The following CEP135 variants were observed in gnomAD, a reference collection of about 807,000 sequenced individuals.
The protein encoded by CEP135 is centrosomal protein 135.
Under a neutral mutation model 157.3 loss-of-function variants are expected in CEP135, and 142 were observed. The ratio of observed to expected loss-of-function variants is 0.90; its 90% CI spans 0.79 to 1.04. The LOEUF is 1.04. CEP135 is among the 50% of genes least tolerant of loss of function. The pLI is 0.00. For synonymous variants in CEP135, 396 were observed against 439.8 expected (o/e 0.90, Z 1.25); for missense variants, 1,317 against 1,309.2 (o/e 1.01, Z -0.09).
rs760518886 is a variant in CEP135 at position 55,959,680 on chromosome 4, A to G, written c.615-2A>G. 2.5e-6 allele frequency: 4 copies of G among 1,613,008 alleles called. No individual in the cohort carries two copies. The highest frequency in any genetic ancestry group is 2.7e-5 in the African/African-American group (2 of 74,906). Reference sequence around the variant, plus strand: ...TTGGCATTAATTTAAAGTGCTTTTCAGGATTCAAGAACTTCAACAGGAAGT... The same window carrying G: ...TTGGCATTAATTTAAAGTGCTTTTCGGGATTCAAGAACTTCAACAGGAAGT... On this transcript the variant is annotated splice_acceptor_variant, in intron 5 of 25. Transcript: ENST00000257287. LOFTEE classifies it high-confidence loss of function.
chr4:56,019,452 G>T lies in CEP135; in HGVS notation c.3112G>T (p.Ala1038Ser), dbSNP rs1241399839. The T allele has an allele frequency of 1.2e-6, 2 of 1,613,766 alleles. No individual in the cohort carries two copies. The highest frequency in any genetic ancestry group is 1.3e-5 in the African/African-American group (1 of 74,892). The change falls in exon 23 of 26, where the codon GCT becomes TCT. Residue 1038 changes from alanine (A) to serine (S), a missense_variant. Coordinates refer to ENST00000257287, the MANE Select transcript of CEP135 (RefSeq NM_025009.5). ...AGTTAAAAACCTCGAATCATTGTTG[G>T]CTACAAACAGAGATAAAGAATTTCA... is the stretch of plus-strand genomic sequence containing the variant. ...HTVKNLESLLATNRDKEFHSH... is the reference protein window; with the variant it reads ...HTVKNLESLLSTNRDKEFHSH...
chr4:55,976,333 T>A (rs183567968), intron 11 of CEP135, among the ~76,000 whole-genome samples: 7 of 152,302 alleles, frequency 4.6e-5, no homozygotes, highest in Admixed American at 2.6e-4. Context: ...GAGTTTTTTT[T>A]AAATTCCGTA....
intron 4 of CEP135, among the ~76,000 whole-genome samples, chr4:55,955,782 C>T (rs1370122286): frequency 6.6e-6 from 1 of 152,116 alleles, no homozygotes; most frequent in East Asian, 1.9e-4. Flanking sequence ...GGAAGCAGAG[C>T]AGGAGTCCAC....
At position 56,013,452 on chromosome 4, in the gene CEP135, A is replaced by G. The variant is rs549132772; in HGVS notation, c.2802+1467A>G. On this transcript the variant is annotated intron_variant, in intron 21 of 25. Coordinates refer to ENST00000257287, the MANE Select transcript of CEP135 (RefSeq NM_025009.5). ...ATCCAAGAAATTATTGTTAACTGCA[A>G]TGTCATAAAGCTTTTCCCCTATGTT... Among the ~76,000 whole-genome samples the G allele has an allele frequency of 6.6e-5, 10 of 152,216 alleles. 1 individual carries two copies. The South Asian group carries it at 1.5e-3, about 22-fold the overall frequency.
intron 5 of CEP135, 23 bp downstream of exon 5, chr4:55,957,387 G>C (rs1728542918): frequency 6.2e-7 from 1 of 1,601,886 alleles, no homozygotes. Flanking sequence ...ATTCTTTCTT[G>C]GCTTGAGTTA....
chr4:55,958,330 G>A lies in CEP135; in HGVS notation c.614+966G>A, dbSNP rs112991738. Among the ~76,000 whole-genome samples the A allele has an allele frequency of 4.7e-4, 71 of 152,280 alleles. 1 individual carries two copies. The highest frequency in any genetic ancestry group is 1.4e-3 in the African/African-American group (58 of 41,558). ...TGCACCTGTAGTCCCAGCTACTTAG[G>A]AGGCTGAGGTAGGCAGATCGCTTGA... On this transcript the variant is annotated intron_variant, in intron 5 of 25. Transcript: ENST00000257287.
rs541334575 is a variant in CEP135, at chr4:55,990,662, A to G, written c.1858-1272A>G. 2.0e-5 allele frequency among the ~76,000 whole-genome samples: 3 copies of G among 152,010 alleles called. No individual in the cohort carries two copies. In the South Asian group the frequency reaches 6.2e-4, roughly 32 times the overall value. ...TACAGGTATACCATCATGCCCGGCT[A>G]ATTTAAAAAAAAAATTTTATTGTAG... On this transcript the variant is annotated intron_variant, in intron 14 of 25. Coordinates refer to ENST00000257287, the MANE Select transcript of CEP135 (RefSeq NM_025009.5).
In CEP135 at chr4:55,980,045, C is replaced by A; in HGVS notation, c.1474-98C>A. 6.9e-6 allele frequency: 7 copies of A among 1,016,652 alleles called. No individual in the cohort carries two copies. The Middle Eastern group carries it at 7.3e-4, about 106-fold the overall frequency. 63.0% of individuals were successfully genotyped at this position (1,016,652 alleles called of 1,614,324 possible). A position where few individuals can be genotyped will look rare whatever the true frequency, so the allele number is the denominator to read the frequency against. On this transcript the variant is annotated intron_variant, in intron 11 of 25. Transcript: ENST00000257287. Reference sequence around the variant, plus strand: ...TAATTACGTTAAAGGCACTTGTGTTCTTTTTGTCTGGTAGCATCTTTCAGT... The same window carrying A: ...TAATTACGTTAAAGGCACTTGTGTTATTTTTGTCTGGTAGCATCTTTCAGT...
chr4:55,986,962 A>G (rs1209241988), intron 14 of CEP135, among the ~76,000 whole-genome samples: 1 of 152,178 alleles, frequency 6.6e-6, no homozygotes, highest in African/African-American at 2.4e-5. Flanking sequence ...GATGCCAGAC[A>G]TTGTGAATCT....
intron 1 of CEP135, among the ~76,000 whole-genome samples, chr4:55,951,274 A>G (rs1728354074): frequency 6.6e-6 from 1 of 152,204 alleles, no homozygotes; most frequent in South Asian, 2.1e-4. Flanking sequence ...ATAAAATCAC[A>G]GGGTTATAGT....
chr4:56,020,250 G>T (rs1730929757), intron 23 of CEP135, among the ~76,000 whole-genome samples: 1 of 152,146 alleles, frequency 6.6e-6, no homozygotes, highest in Non-Finnish European at 1.5e-5. Flanking sequence ...GGGAGAGACT[G>T]ATTATGTCAT....
intron 7 of CEP135, 75 bp downstream of exon 7, chr4:55,964,477 C>A: frequency 8.3e-7 from 1 of 1,201,014 alleles, no homozygotes; most frequent in Non-Finnish European, 1.1e-6. Flanking sequence ...TTATAATGGT[C>A]TATGGGTTTG....
At chr4:55,958,796 C>G (rs968697523) in intron 5 of CEP135, among the ~76,000 whole-genome samples, 3 of 152,050 alleles carry the variant, frequency 2.0e-5, no homozygotes, top group Non-Finnish European at 4.4e-5. Context: ...AAAAACAAAC[C>G]TGGGGCTGGA....
intron 18 of CEP135, among the ~76,000 whole-genome samples, chr4:56,009,146 A>G (rs1256710200): frequency 1.3e-5 from 2 of 151,204 alleles, no homozygotes; most frequent in African/African-American, 4.9e-5. Flanking sequence ...AAGCTATTCA[A>G]CTGTTTTTGT....
In CEP135 at chr4:55,953,254, C is replaced by T; in HGVS notation, c.283C>T (p.His95Tyr). 6.4e-7 allele frequency: 1 copy of T among 1,551,210 alleles called. No homozygotes were observed. Among genetic ancestry groups the T allele is most frequent in the Non-Finnish European group, 8.7e-7 (1 of 1,154,432 alleles). ...LYLELMKLRE[H>Y]SDQHVKELKT... Reference sequence around the variant, plus strand: ...CCTAGAGTTAATGAAACTGAGAGAACATTCAGACCAACACGTTAAAGGTAA... The same window carrying T: ...CCTAGAGTTAATGAAACTGAGAGAATATTCAGACCAACACGTTAAAGGTAA... The change falls in exon 3 of 26, where the codon CAT (histidine) becomes TAT (tyrosine). Residue 95 changes from histidine to tyrosine, a missense_variant. By Grantham distance (83) the His-to-Tyr change is moderately conservative. Coordinates refer to ENST00000257287, the MANE Select transcript of CEP135 (RefSeq NM_025009.5).
At chr4:55,958,956 G>T (rs1728592152) in intron 5 of CEP135, among the ~76,000 whole-genome samples, 1 of 152,158 alleles carries the variant, frequency 6.6e-6, no homozygotes, top group Admixed American at 6.5e-5. Flanking sequence ...GTGGTGGCAT[G>T]TGCCTGTGGT....
intron 17 of CEP135, among the ~76,000 whole-genome samples, chr4:56,002,186 C>T (rs980061816): frequency 6.6e-6 from 1 of 152,038 alleles, no homozygotes; most frequent in African/African-American, 2.4e-5. Context: ...ATGTGGTCTG[C>T]ATATAAGGCT....
chr4:55,957,398 A>G (rs2109645039), intron 5 of CEP135, 34 bp downstream of exon 5: 3 of 1,595,198 alleles, frequency 1.9e-6, no homozygotes, highest in South Asian at 2.3e-5. Context: ...GCTTGAGTTA[A>G]TTGAGCACTC....
chr4:55,992,087 T>C lies in CEP135; in HGVS notation c.2009+2T>C. 1 of 1,588,846 alleles carries C rather than the reference T, an allele frequency of 6.3e-7. No individual in the cohort carries two copies. ...GAAAACAGAGGTGAACTCACTTAGG[T>C]AAGTTTATTCAAAATTTTCTAATTT... On this transcript the variant is annotated splice_donor_variant, in intron 15 of 25. Transcript: ENST00000257287. LOFTEE classifies it high-confidence loss of function.
Sources: allele counts gnomAD v4.1 joint callset (sites outside exome capture counted in the v4.1 genomes callset), GRCh38; gene constraint gnomAD v4.1.1; transcripts MANE v1.5; gene names NCBI Gene and HGNC (gene_info 2026-07-23, HGNC 2026-07-21).